SGCD: variants seen among roughly 807,000 people sequenced by gnomAD.
SGCD encodes the protein delta-sarcoglycan.
SGCD carries 18 observed loss-of-function variants against 36.6 expected under a neutral mutation model. That is an observed-to-expected ratio of 0.49 (90% confidence interval 0.34 to 0.73). The LOEUF (loss-of-function observed/expected upper bound fraction) is 0.73, where lower values mean the gene tolerates loss of function less well. Ranked by LOEUF, SGCD falls within the 30% of genes least tolerant of loss-of-function variation. The pLI, the probability that SGCD is intolerant of heterozygous loss-of-function variation, is 0.01. For missense variants in SGCD, 387 were observed against 346.7 expected (o/e 1.12, Z -0.92); for synonymous variants, 133 against 130.6 (o/e 1.02, Z -0.12).
chr5:155,759,822 TTACTATCACA>T, the SGCD span, among the ~76,000 whole-genome samples: 1 of 152,352 alleles, frequency 6.6e-6, no homozygotes, highest in Admixed American at 6.5e-5. Flanking sequence ...CAAATCTTAG[TTACTATCACA>T]TACTTCTCAG....
intron 4 of SGCD, among the ~76,000 whole-genome samples, chr5:156,519,388 C>G (rs1231894294): frequency 6.6e-6 from 1 of 151,774 alleles, no homozygotes; most frequent in Non-Finnish European, 1.5e-5. Flanking sequence ...ATAACAACAA[C>G]AAAAAAGAAA....
chr5:155,772,399 G>A, the SGCD span, among the ~76,000 whole-genome samples: 1 of 152,150 alleles, frequency 6.6e-6, no homozygotes, highest in African/African-American at 2.4e-5. Context: ...GGACAGTCTG[G>A]CTAGAGACAA....
chr5:156,306,747 C>T (rs1026741328), intron 3 of SGCD, among the ~76,000 whole-genome samples: 5 of 152,180 alleles, frequency 3.3e-5, no homozygotes, highest in South Asian at 2.1e-4. Context: ...TGAAGATGCT[C>T]TCTTGTGTGG....
intron 3 of SGCD, among the ~76,000 whole-genome samples, chr5:156,307,126 C>A (rs143308762): frequency 6.6e-6 from 1 of 150,512 alleles, no homozygotes. Flanking sequence ...ACTGCAGGCT[C>A]AACTTCCTGG....
At chr5:156,564,917 CA>C (rs1483052879) in intron 4 of SGCD, among the ~76,000 whole-genome samples, 1 of 152,140 alleles carries the variant, frequency 6.6e-6, no homozygotes, top group African/African-American at 2.4e-5. Context: ...CAGATTTTAA[CA>C]ATCTTGTAGC....
chr5:155,971,035 A>G (rs1757997972), intron 1 of SGCD, among the ~76,000 whole-genome samples: 1 of 152,156 alleles, frequency 6.6e-6, no homozygotes, highest in Non-Finnish European at 1.5e-5. Context: ...AGAGCAAGCA[A>G]GGAGATACAC....
the SGCD span, among the ~76,000 whole-genome samples, chr5:155,744,419 C>A: frequency 9.7e-4 from 148 of 152,140 alleles, 1 homozygote; most frequent in African/African-American, 3.3e-3. Context: ...GAGATCATGC[C>A]ACTGCACTCC....
chr5:156,204,685 A>T (rs891196179), intron 3 of SGCD, among the ~76,000 whole-genome samples: 2 of 152,130 alleles, frequency 1.3e-5, no homozygotes, highest in African/African-American at 4.8e-5. Context: ...TGTTGTGAGG[A>T]ATAAATATAG....
chr5:156,018,291 C>T (rs1759027795), intron 1 of SGCD, among the ~76,000 whole-genome samples: 1 of 152,036 alleles, frequency 6.6e-6, no homozygotes, highest in South Asian at 2.1e-4. Flanking sequence ...AGTACTCCAT[C>T]ATTAAGGATA....
intron 4 of SGCD, among the ~76,000 whole-genome samples, chr5:156,520,759 T>C (rs1290682584): frequency 6.6e-6 from 1 of 152,080 alleles, no homozygotes; most frequent in African/African-American, 2.4e-5. Context: ...GGCTCATGCC[T>C]GTAATCCCAG....
At chr5:156,615,166 A>G (rs1761973748) in intron 6 of SGCD, among the ~76,000 whole-genome samples, 2 of 152,258 alleles carry the variant, frequency 1.3e-5, no homozygotes, top group Non-Finnish European at 2.9e-5. Flanking sequence ...CATAAAGGCC[A>G]GTGCAACTAA....
chr5:156,481,033 A>G (rs1416266140), intron 3 of SGCD, among the ~76,000 whole-genome samples: 1 of 152,208 alleles, frequency 6.6e-6, no homozygotes, highest in African/African-American at 2.4e-5. Context: ...ATATTTCTGA[A>G]TTTCTCAGGG....
intron 1 of SGCD, among the ~76,000 whole-genome samples, chr5:155,982,048 C>T (rs910163672): frequency 5.9e-5 from 9 of 152,136 alleles, no homozygotes; most frequent in South Asian, 2.1e-4. Flanking sequence ...GTCTATTTTG[C>T]GTTTAGTCCT....
intron 3 of SGCD, among the ~76,000 whole-genome samples, chr5:156,495,382 A>G (rs1380235613): frequency 6.6e-6 from 1 of 152,112 alleles, no homozygotes; most frequent in Non-Finnish European, 1.5e-5. Context: ...TAGCTTTCAT[A>G]TTTCTGAACT....
chr5:155,887,935 C>T (rs1756044871), intron 1 of SGCD, among the ~76,000 whole-genome samples: 1 of 152,156 alleles, frequency 6.6e-6, no homozygotes, highest in Non-Finnish European at 1.5e-5. Flanking sequence ...CTCTTGATAA[C>T]ACTATTTCCA....
At chr5:156,720,375 A>C (rs1755438005) in intron 7 of SGCD, among the ~76,000 whole-genome samples, 1 of 152,196 alleles carries the variant, frequency 6.6e-6, no homozygotes. Context: ...ATCAGCTGAC[A>C]TTTAAGCATA....
chr5:156,417,403 C>A (rs1181005432), intron 3 of SGCD, among the ~76,000 whole-genome samples: 3 of 152,138 alleles, frequency 2.0e-5, no homozygotes, highest in Non-Finnish European at 4.4e-5. Flanking sequence ...GAATACCTCA[C>A]AGGTAAATGG....
chr5:156,564,931 A>G (rs1759418546), intron 4 of SGCD, among the ~76,000 whole-genome samples: 1 of 152,200 alleles, frequency 6.6e-6, no homozygotes, highest in Admixed American at 6.5e-5. Flanking sequence ...CTTGTAGCAC[A>G]TTGACTTAAC....
intron 7 of SGCD, among the ~76,000 whole-genome samples, chr5:156,709,079 T>C (rs1754869913): frequency 6.6e-6 from 1 of 152,124 alleles, no homozygotes; most frequent in Admixed American, 6.5e-5. Flanking sequence ...ATACCCCTCT[T>C]TTAGACAAAA....
Sources: gnomAD v4.1 joint callset for allele counts (sites outside exome capture counted in the v4.1 genomes callset) on GRCh38, gnomAD v4.1.1 for gene constraint, MANE v1.5 for transcripts, NCBI Gene and HGNC (gene_info 2026-07-23, HGNC 2026-07-21) for gene names.